TIGD7: variants seen among roughly 807,000 people sequenced by gnomAD.
TIGD7 encodes tigger transposable element derived 7.
A neutral mutation model predicts 24.8 loss-of-function variants in TIGD7; 26 were observed. The ratio of observed to expected loss-of-function variants is 1.05; its 90% CI spans 0.77 to 1.45. TIGD7 has a LOEUF of 1.45. TIGD7 is among the 40% of genes most tolerant of loss of function. The pLI, the probability that TIGD7 is intolerant of heterozygous loss-of-function variation, is 0.00. For missense variants in TIGD7, 679 were observed against 641.6 expected (o/e 1.06, Z -0.63); for synonymous variants, 221 against 224.1 (o/e 0.99, Z 0.12).
At position 3,300,245 on chromosome 16, in the gene TIGD7, C is replaced by T. The variant is rs1303007311; in HGVS notation, c.370G>A (p.Gly124Ser). 1 of 1,614,106 alleles carries T rather than the reference C, an allele frequency of 6.2e-7. No homozygotes were observed. Among genetic ancestry groups the T allele is most frequent in the Non-Finnish European group, 8.5e-7 (1 of 1,180,056 alleles). The change falls in exon 2 of 2, where the codon GGT becomes AGT. Residue 124 changes from glycine (G) to serine (S), a missense_variant. Gly to Ser is a moderately conservative substitution (Grantham distance 56, BLOSUM62 0). Coordinates refer to ENST00000396862, the MANE Select transcript of TIGD7 (RefSeq NM_033208.4). ...FGRTDFKAST[G>S]WLFRFRNRHA... ...CGATTTCGAAATCTAAAAAGCCAAC[C>T]AGTGCTAGCTTTGAAATCTGTTCGC...
rs375308666 is a variant in TIGD7 at position 3,300,663 on chromosome 16, C to T, written c.-49G>A. On this transcript the variant is annotated 5_prime_UTR_variant, in exon 2 of 2. Transcript: ENST00000396862. The stretch of plus-strand genomic sequence containing the variant: ...AACAGGAGAAAACAAAGGGAAAAGC[C>T]TTAATGAATTGGCAAAAAAAAAACC... The T allele has an allele frequency of 2.2e-4, 334 of 1,521,214 alleles. No homozygotes were observed. Among genetic ancestry groups the T allele is most frequent in the Non-Finnish European group, 2.9e-4 (329 of 1,139,882 alleles). 94.2% of individuals were successfully genotyped at this position (1,521,214 alleles called of 1,614,324 possible). A position where few individuals can be genotyped will look rare whatever the true frequency, so the allele number is the denominator to read the frequency against.
chr16:3,299,203 T>A lies in TIGD7; in HGVS notation c.1412A>T (p.Gln471Leu). ...VVQKGGEAEK[Q>L]TAEFKLSAVR... ...AGCAGATAATTTAAATTCAGCAGTC[T>A]GCTTCTCAGCTTCTCCTCCTTTTTG... The change falls in exon 2 of 2, where the codon CAG (glutamine) becomes CTG (leucine). Residue 471 changes from glutamine (Q) to leucine (L), a missense_variant. By Grantham distance (113) the Gln-to-Leu change is moderately radical. Transcript: ENST00000396862. 1.2e-6 allele frequency: 2 copies of A among 1,602,770 alleles called. No individual in the cohort carries two copies. The highest frequency in any genetic ancestry group is 1.7e-6 in the Non-Finnish European group (2 of 1,176,482).
chr16:3,299,434 G>A lies in TIGD7; in HGVS notation c.1181C>T (p.Thr394Ile). The A allele has an allele frequency of 6.4e-7, 1 of 1,559,580 alleles. No individual in the cohort carries two copies. The highest frequency in any genetic ancestry group is 1.2e-5 in the South Asian group (1 of 82,016). ...AKSWEEVKQITIANAWENLLY... is the reference protein window; with the variant it reads ...AKSWEEVKQIIIANAWENLLY... Reference sequence around the variant, plus strand: ...AAGATTTTCCCATGCATTTGCTATGGTTATTTGTTTTACTTCTTCCCAACT... The same window carrying A: ...AAGATTTTCCCATGCATTTGCTATGATTATTTGTTTTACTTCTTCCCAACT... The change falls in exon 2 of 2, where the codon ACC becomes ATC. Residue 394 changes from threonine (T) to isoleucine (I), a missense_variant. Thr to Ile is a moderately conservative substitution (Grantham distance 89, BLOSUM62 -1). Coordinates refer to ENST00000396862, the MANE Select transcript of TIGD7 (RefSeq NM_033208.4).
rs372706602 is a variant in TIGD7, at chr16:3,299,496, G to C, written c.1119C>G (p.Ile373Met). The C allele has an allele frequency of 6.5e-7, 1 of 1,539,700 alleles. No homozygotes were observed. The highest frequency in any genetic ancestry group is 1.4e-5 in the African/African-American group (1 of 71,292). The change falls in exon 2 of 2, where the codon ATC becomes ATG. Residue 373 changes from isoleucine to methionine, a missense_variant. Physicochemically the swap from Ile to Met is conservative, Grantham distance 10 (BLOSUM62 1). Coordinates refer to ENST00000396862, the MANE Select transcript of TIGD7 (RefSeq NM_033208.4). ...KGDKGVSKIK[I>M]YNIKSAIFNW... ...TAAAAATTGCACTTTTTATATTGTAGATTTTAATTTTGGAAACTCCTTTAT... is the reference window on the plus strand; with the variant it reads ...TAAAAATTGCACTTTTTATATTGTACATTTTAATTTTGGAAACTCCTTTAT...
rs1325134406 is a variant in TIGD7, at chr16:3,299,437, A to G, written c.1178T>C (p.Ile393Thr). ...ATTTTCCCATGCATTTGCTATGGTT[A>G]TTTGTTTTACTTCTTCCCAACTTTT... is the stretch of plus-strand genomic sequence containing the variant. ...WAKSWEEVKQ[I>T]TIANAWENLL... The change falls in exon 2 of 2, where the codon ATA becomes ACA. Residue 393 changes from isoleucine (I) to threonine (T), a missense_variant. By Grantham distance (89) the Ile-to-Thr change is moderately conservative (BLOSUM62 -1). Transcript: ENST00000396862. 6.4e-7 allele frequency: 1 copy of G among 1,561,294 alleles called. No homozygotes were observed.
chr16:3,299,706 G>A lies in TIGD7; in HGVS notation c.909C>T (p.Ser303=). 8 of 1,536,928 alleles carry A rather than the reference G, an allele frequency of 5.2e-6. No homozygotes were observed. The highest frequency in any genetic ancestry group is 6.1e-6 in the Non-Finnish European group (7 of 1,147,050). Residue 303 remains serine, a synonymous_variant, in exon 2 of 2, where the codon TCC becomes TCT. Transcript: ENST00000396862. ...LLLDSCPAHP[S]SESLTSEDGR... ...CATCCTCACTGGTTAGGGATTCAGA[G>A]GAAGGATGAGCCGGGCAACTGTCCA...
intron 1 of TIGD7, among the ~76,000 whole-genome samples, chr16:3,303,151 C>T (rs1959987575): frequency 6.6e-6 from 1 of 152,142 alleles, no homozygotes; most frequent in Non-Finnish European, 1.5e-5. Flanking sequence ...GTCATCATTT[C>T]TAAAACAGTG....
rs1365669213 is a variant in TIGD7 at position 3,300,025 on chromosome 16, T to C, written c.590A>G (p.Asp197Gly). Reference protein sequence around the residue: ...MPENSQASRKDICLPGKKINK... With the variant: ...MPENSQASRKGICLPGKKINK... ...TATTTTCTTCCCTGGTAGGCAGATA[T>C]CTTTCCTACTTGCCTGAGAATTTTC... Residue 197 changes from aspartate (D) to glycine (G), a missense_variant, in exon 2 of 2, where the codon GAT becomes GGT. Coordinates refer to ENST00000396862, the MANE Select transcript of TIGD7 (RefSeq NM_033208.4). 9.3e-6 allele frequency: 15 copies of C among 1,614,236 alleles called. No individual in the cohort carries two copies. The highest frequency in any genetic ancestry group is 1.3e-5 in the Non-Finnish European group (15 of 1,180,050).
Position 3,299,980 on chromosome 16 carries a change from GCAGA to G in TIGD7, c.631_634del (p.Ser211ProfsTer13). 6.2e-7 allele frequency: 1 copy of G among 1,614,032 alleles called. No individual in the cohort carries two copies. The highest frequency in any genetic ancestry group is 8.5e-7 in the Non-Finnish European group (1 of 1,180,002). ...TCCGTCTGCATTTGCACATAAAAAG[GCAGA>G]CAACCTTTCTTTGTTTATTTTCTTC... On this transcript the variant is annotated frameshift_variant, in exon 2 of 2. Coordinates refer to ENST00000396862, the MANE Select transcript of TIGD7 (RefSeq NM_033208.4). LOFTEE classifies it high-confidence loss of function.
Position 3,305,321 on chromosome 16 carries a change from C to G in TIGD7, c.-1505G>C, listed in dbSNP as rs1425179218. ...GAGACAGCGACAGCCACGCGGTGAG[C>G]CGGTACAAGGCCCTCTAGGCTTCAG... On this transcript the variant is annotated 5_prime_UTR_variant, in exon 1 of 2. Coordinates refer to ENST00000396862, the MANE Select transcript of TIGD7 (RefSeq NM_033208.4). The G allele has an allele frequency of 6.6e-6, 1 of 152,354 alleles. No homozygotes were observed. Among genetic ancestry groups the G allele is most frequent in the African/African-American group, 2.4e-5 (1 of 41,484 alleles). 9.4% of individuals were successfully genotyped at this position (152,354 alleles called of 1,614,324 possible). A position where few individuals can be genotyped will look rare whatever the true frequency, so the allele number is the denominator to read the frequency against.
Position 3,301,352 on chromosome 16 carries a change from A to T in TIGD7, c.-738T>A, listed in dbSNP as rs950310495. 6.0e-6 allele frequency: 1 copy of T among 167,118 alleles called. No individual in the cohort carries two copies. Among genetic ancestry groups the T allele is most frequent in the Non-Finnish European group, 1.5e-5 (1 of 68,130 alleles). The allele number at this position is 167,118 out of a possible 1,614,324, so 10.4% of individuals were successfully genotyped here. A position where few individuals can be genotyped will look rare whatever the true frequency, so the allele number is the denominator to read the frequency against. On this transcript the variant is annotated 5_prime_UTR_variant, in exon 2 of 2. Coordinates refer to ENST00000396862, the MANE Select transcript of TIGD7 (RefSeq NM_033208.4). Reference sequence around the variant, plus strand: ...AAGAAAGTAGTTTGTTGTACATATGAATGAAATCCAACTTTTATTGCATTC... The same window carrying T: ...AAGAAAGTAGTTTGTTGTACATATGTATGAAATCCAACTTTTATTGCATTC...
At position 3,301,060 on chromosome 16, in the gene TIGD7, C is replaced by G; in HGVS notation, c.-446G>C. Reference sequence around the variant, plus strand: ...TAAGTTTCCATAAAAACTGATGCTTCAGAAGAAGGGAGCGTGAAAGACTCA... The same window carrying G: ...TAAGTTTCCATAAAAACTGATGCTTGAGAAGAAGGGAGCGTGAAAGACTCA... On this transcript the variant is annotated 5_prime_UTR_variant, in exon 2 of 2. Coordinates refer to ENST00000396862, the MANE Select transcript of TIGD7 (RefSeq NM_033208.4). 1 of 171,152 alleles carries G rather than the reference C, an allele frequency of 5.8e-6. No individual in the cohort carries two copies. Among genetic ancestry groups the G allele is most frequent in the South Asian group, 2.0e-4 (1 of 5,094 alleles). The allele number at this position is 171,152 out of a possible 1,614,324, so 10.6% of individuals were successfully genotyped here.
chr16:3,303,480 G>C (rs760174873), intron 1 of TIGD7, among the ~76,000 whole-genome samples: 1 of 152,192 alleles, frequency 6.6e-6, no homozygotes, highest in Admixed American at 6.5e-5. Flanking sequence ...TCTTAATGCT[G>C]ATGGCGCTAC....
Position 3,300,585 on chromosome 16 carries a change from C to T in TIGD7, c.30G>A (p.Leu10=). The change falls in exon 2 of 2, where the codon CTG becomes CTA. Residue 10 remains leucine, a synonymous_variant. Transcript: ENST00000396862. ...GAACCTTCATTTTCTCCTCCAAATT[C>T]AGTGTTGTATATTTCCCTCTCTTAT... The part of the protein sequence containing the change: MNKRGKYTT[L]NLEEKMKVLS... The T allele has an allele frequency of 1.9e-6, 3 of 1,597,218 alleles. No individual in the cohort carries two copies. Among genetic ancestry groups the T allele is most frequent in the Non-Finnish European group, 2.6e-6 (3 of 1,172,918 alleles).
At chr16:3,303,323 C>A (rs531206796) in intron 1 of TIGD7, among the ~76,000 whole-genome samples, 2 of 152,194 alleles carry the variant, frequency 1.3e-5, no homozygotes, top group Non-Finnish European at 2.9e-5. Context: ...TCCCATGAAT[C>A]CCTTTTCCCT....
Position 3,300,727 on chromosome 16 carries a change from G to A in TIGD7, c.-113C>T, listed in dbSNP as rs1596378812. ...CAAAACTTAGCTGAAAGCCCCAGAA[G>A]GCATGGGCATTGTATTGGAGGATAA... On this transcript the variant is annotated 5_prime_UTR_variant, in exon 2 of 2. Coordinates refer to ENST00000396862, the MANE Select transcript of TIGD7 (RefSeq NM_033208.4). 1 of 1,459,878 alleles carries A rather than the reference G, an allele frequency of 6.8e-7. No homozygotes were observed. Among genetic ancestry groups the A allele is most frequent in the Non-Finnish European group, 9.0e-7 (1 of 1,105,558 alleles). The allele number at this position is 1,459,878 out of a possible 1,614,324, so 90.4% of individuals were successfully genotyped here.
chr16:3,303,683 A>AACATC (rs978640615), intron 1 of TIGD7: 2 of 152,176 alleles, frequency 1.3e-5, no homozygotes, highest in African/African-American at 4.8e-5. Context: ...GGAGTTACAT[A>AACATC]CCATCCCATC....
rs1959887445 is a variant in TIGD7, at chr16:3,299,965, T to C, written c.650A>G (p.Asn217Ser). 1 of 1,614,082 alleles carries C rather than the reference T, an allele frequency of 6.2e-7. No homozygotes were observed. ...CTTTAATTTATGAGTTCCGTCTGCA[T>C]TTGCACATAAAAAGGCAGACAACCT... ...KERLSAFLCA[N>S]ADGTHKLKSI... is the part of the protein sequence containing the mutation. The change falls in exon 2 of 2, where the codon AAT (asparagine) becomes AGT (serine). Residue 217 changes from asparagine (N) to serine (S), a missense_variant. Transcript: ENST00000396862.
rs1404665795 is a variant in TIGD7, at chr16:3,301,664, T to G, written c.-1050A>C. The stretch of plus-strand genomic sequence containing the variant: ...TTTTAAAGATCTGTCCTTTCATTTG[T>G]TTTCCTAAATTTACACTATAAGTAA... On this transcript the variant is annotated 5_prime_UTR_variant, in exon 2 of 2. Transcript: ENST00000396862. 6.0e-6 allele frequency: 1 copy of G among 166,172 alleles called. No homozygotes were observed. Among genetic ancestry groups the G allele is most frequent in the African/African-American group, 2.4e-5 (1 of 41,470 alleles). The allele number at this position is 166,172 out of a possible 1,614,324, so 10.3% of individuals were successfully genotyped here. A position where few individuals can be genotyped will look rare whatever the true frequency, so the allele number is the denominator to read the frequency against.
Sources: allele counts gnomAD v4.1 joint callset (sites outside exome capture counted in the v4.1 genomes callset), GRCh38; gene constraint gnomAD v4.1.1; transcripts MANE v1.5; gene names NCBI Gene and HGNC (gene_info 2026-07-23, HGNC 2026-07-21).